Variants in FIGLA observed in about 807,000 individuals in gnomAD.
The protein encoded by FIGLA is factor in the germline alpha.
A neutral mutation model predicts 21.5 loss-of-function variants in FIGLA; 17 were observed. The ratio of observed to expected loss-of-function variants is 0.79; its 90% confidence interval spans 0.54 to 1.19. The LOEUF (loss-of-function observed/expected upper bound fraction) is 1.19. Ranked by LOEUF, FIGLA falls within the 50% of genes most tolerant of loss-of-function variation. The pLI, the probability that FIGLA is intolerant of heterozygous loss-of-function variation, is 0.00. For missense variants in FIGLA, 282 were observed against 285.0 expected (o/e 0.99, Z 0.08); for synonymous variants, 129 against 117.6 (o/e 1.10, Z -0.63).
At chr2:70,789,156 T>TTA (rs10540498) in intron 1 of FIGLA, among the ~76,000 whole-genome samples, 3,686 of 150,168 alleles carry the variant, frequency 0.025, 128 homozygotes, top group African/African-American at 0.074. Context: ...TTTGTAAAAA[T>TTA]TATATATATA....
At chr2:70,779,549 T>A (rs987817438) in intron 3 of FIGLA, among the ~76,000 whole-genome samples, 1 of 152,152 alleles carries the variant, frequency 6.6e-6, no homozygotes, top group African/African-American at 2.4e-5. Context: ...CCCCAGTGAG[T>A]AATTTCACAG....
In FIGLA at chr2:70,777,773, A is replaced by T. The variant is rs781955268; in HGVS notation, c.610-102T>A. ...GAACATAGTGGCCAACAGTAAAAAA[A>T]TTGTCCCACCTAATGGGTCACATAA... On this transcript the variant is annotated intron_variant, in intron 3 of 4. Transcript: ENST00000332372. 1.2e-4 allele frequency: 70 copies of T among 577,410 alleles called. 1 individual carries two copies. Among genetic ancestry groups the T allele is most frequent in the East Asian group, 2.7e-4 (9 of 32,818 alleles). 35.8% of individuals were successfully genotyped at this position (577,410 alleles called of 1,614,324 possible).
chr2:70,788,019 G>T (rs782808785), intron 1 of FIGLA, among the ~76,000 whole-genome samples: 2 of 152,188 alleles, frequency 1.3e-5, no homozygotes, highest in African/African-American at 2.4e-5. Flanking sequence ...GGGCTGCAAG[G>T]TGTGTTCATG....
intron 1 of FIGLA, among the ~76,000 whole-genome samples, chr2:70,788,162 G>A (rs113590666): frequency 3.3e-4 from 51 of 152,330 alleles, no homozygotes; most frequent in African/African-American, 1.2e-3. Flanking sequence ...TTACAAGAGT[G>A]TGTGGAATAC....
At chr2:70,778,055 T>A (rs938411994) in intron 3 of FIGLA, among the ~76,000 whole-genome samples, 2 of 152,250 alleles carry the variant, frequency 1.3e-5, no homozygotes, top group Non-Finnish European at 1.5e-5. Context: ...AAACCTATTA[T>A]GTACATCACT....
chr2:70,781,208 G>A (rs1553389049), intron 3 of FIGLA, among the ~76,000 whole-genome samples: 1 of 152,172 alleles, frequency 6.6e-6, no homozygotes, highest in African/African-American at 2.4e-5. Flanking sequence ...TAAAGTTCAA[G>A]TGGGTGAGGA....
At chr2:70,782,615 C>G (rs1440740434) in intron 3 of FIGLA, among the ~76,000 whole-genome samples, 2 of 152,184 alleles carry the variant, frequency 1.3e-5, no homozygotes, top group East Asian at 3.8e-4. Context: ...TGCATTGTGG[C>G]TATGCAGGGG....
intron 3 of FIGLA, among the ~76,000 whole-genome samples, chr2:70,778,083 G>A (rs1466313434): frequency 6.6e-6 from 1 of 152,162 alleles, no homozygotes; most frequent in East Asian, 1.9e-4. Context: ...GTAAAGCACC[G>A]CAATCAAATG....
chr2:70,779,114 G>A (rs7596564), intron 3 of FIGLA, among the ~76,000 whole-genome samples: 64,570 of 151,906 alleles, frequency 0.43, 14,841 homozygotes, highest in East Asian at 0.74. Flanking sequence ...AAATGCAGTC[G>A]CCGGAGCAGC....
chr2:70,780,770 CAGTT>C (rs1487426630), intron 3 of FIGLA, among the ~76,000 whole-genome samples: 1 of 152,114 alleles, frequency 6.6e-6, no homozygotes, highest in East Asian at 1.9e-4. Context: ...AGTTGGGTCA[CAGTT>C]AGGTAGTGAG....
Position 70,777,669 on chromosome 2 carries a change from A to G in FIGLA, c.612T>C (p.Asp204=). The change falls in exon 4 of 5, where the codon GAT becomes GAC. Residue 204 remains aspartate, a splice_region_variant and synonymous_variant. Coordinates refer to ENST00000332372, the MANE Select transcript of FIGLA (RefSeq NM_001004311.3). ...TCAGCAGTTCTACTTCTGGGAATCTATCCTGCAAAAACAATACAAAATACA... is the reference window on the plus strand; with the variant it reads ...TCAGCAGTTCTACTTCTGGGAATCTGTCCTGCAAAAACAATACAAAATACA... ...TEIISPTRSL[D]RFPEVELLSH... is the part of the protein sequence containing the mutation. 1 of 1,459,882 alleles carries G rather than the reference A, an allele frequency of 6.8e-7. No individual in the cohort carries two copies. The highest frequency in any genetic ancestry group is 1.4e-5 in the African/African-American group (1 of 72,012). 90.4% of individuals were successfully genotyped at this position (1,459,882 alleles called of 1,614,324 possible).
At chr2:70,783,348 C>G (rs1553389399) in intron 3 of FIGLA, among the ~76,000 whole-genome samples, 1 of 152,250 alleles carries the variant, frequency 6.6e-6, no homozygotes, top group East Asian at 1.9e-4. Flanking sequence ...GTCAGAACAT[C>G]TCTGGCTTTT....
rs1676043974 is a variant in FIGLA, at chr2:70,790,579, G to A, written c.60C>T (p.Thr20=). ...PRAAPPALLG[T]PQAEVLEDVL... ...CGTCCTCCAGCACCTCGGCTTGCGG[G>A]GTGCCCAGGAGCGCGGGCGGCGCGG... Residue 20 remains threonine (T), a synonymous_variant, in exon 1 of 5, where the codon ACC becomes ACT. Transcript: ENST00000332372. 1.3e-6 allele frequency: 2 copies of A among 1,514,394 alleles called. No homozygotes were observed. Among genetic ancestry groups the A allele is most frequent in the African/African-American group, 1.4e-5 (1 of 70,382 alleles). The allele number at this position is 1,514,394 out of a possible 1,614,324, so 93.8% of individuals were successfully genotyped here.
intron 1 of FIGLA, among the ~76,000 whole-genome samples, chr2:70,788,090 C>T (rs1675990005): frequency 6.6e-6 from 1 of 152,150 alleles, no homozygotes; most frequent in Non-Finnish European, 1.5e-5. Context: ...AATGCGGAGG[C>T]AGTAGAGGAG....
At chr2:70,782,601 T>C (rs62149850) in intron 3 of FIGLA, among the ~76,000 whole-genome samples, 35,251 of 152,188 alleles carry the variant, frequency 0.23, 5,461 homozygotes, top group East Asian at 0.62. Flanking sequence ...CCAGACTTAG[T>C]GGTTGCATTG....
intron 3 of FIGLA, among the ~76,000 whole-genome samples, chr2:70,782,456 A>G (rs1675872580): frequency 6.6e-6 from 1 of 152,256 alleles, no homozygotes; most frequent in Non-Finnish European, 1.5e-5. Context: ...TTCCAGACTG[A>G]AGGAGCCATG....
chr2:70,789,116 G>GA (rs1364484122), intron 1 of FIGLA, among the ~76,000 whole-genome samples: 2 of 149,778 alleles, frequency 1.3e-5, no homozygotes, highest in Non-Finnish European at 3.0e-5. Flanking sequence ...ATGTTAAGTG[G>GA]AAAAAATTAC....
intron 2 of FIGLA, among the ~76,000 whole-genome samples, chr2:70,786,741 G>C (rs880001119): frequency 2.0e-5 from 3 of 152,140 alleles, no homozygotes; most frequent in Admixed American, 2.0e-4. Context: ...TCAAGTGCTA[G>C]ACATGGTGCT....
At chr2:70,785,665 C>G (rs776286848) in intron 2 of FIGLA, 26 bp from the exon 3 acceptor site, 1 of 1,555,982 alleles carries the variant, frequency 6.4e-7, no homozygotes, top group Non-Finnish European at 8.9e-7. Flanking sequence ...AGTTGTCAAA[C>G]AGTATAATAT....
Sources: allele counts gnomAD v4.1 joint callset (sites outside exome capture counted in the v4.1 genomes callset), GRCh38; gene constraint gnomAD v4.1.1; transcripts MANE v1.5; gene names NCBI Gene and HGNC (gene_info 2026-07-23, HGNC 2026-07-21).